The following ITPR1 variants were observed in gnomAD, a reference collection of about 807,000 sequenced individuals.
ITPR1 encodes the protein inositol 1,4,5-trisphosphate-gated calcium channel ITPR1.
A neutral mutation model predicts 318.4 loss-of-function variants in ITPR1; 96 were observed. The observed-to-expected ratio is 0.30, with a 90% confidence interval of 0.26 to 0.36. The LOEUF (loss-of-function observed/expected upper bound fraction) is 0.36, where lower values mean the gene tolerates loss of function less well. Among genes scored for constraint, ITPR1 ranks in the 10% least tolerant of loss-of-function variants. The pLI is 1.00. For missense variants in ITPR1, 2,440 were observed against 3,460.2 expected, an observed-to-expected ratio of 0.71 and a Z score of 7.40; for synonymous variants, 1,312 against 1,289.9, an observed-to-expected ratio of 1.02 and a Z score of -0.37.
chr3:4,557,160 T>C (rs1575523211), intron 4 of ITPR1, among the ~76,000 whole-genome samples: 1 of 152,326 alleles, frequency 6.6e-6, no homozygotes, highest in South Asian at 2.1e-4. Context: ...CTGGGTAATT[T>C]ATAAAGGAAA....
intron 4 of ITPR1, among the ~76,000 whole-genome samples, chr3:4,529,564 G>A (rs1273286626): frequency 6.6e-6 from 1 of 152,194 alleles, no homozygotes; most frequent in East Asian, 1.9e-4. Flanking sequence ...TGTTTGACAT[G>A]TGAGAAAATT....
At chr3:4,673,036 A>C (rs986358752) in intron 20 of ITPR1, 100 bp from the exon 21 acceptor site, 15 of 1,339,160 alleles carry the variant, frequency 1.1e-5, no homozygotes, top group Admixed American at 9.4e-5. Context: ...TTAGTTGGCC[A>C]AATGTCACTC....
At chr3:4,800,172 G>A in intron 53 of ITPR1, 2 of 492,462 alleles carry the variant, frequency 4.1e-6, no homozygotes, top group African/African-American at 4.0e-5. Flanking sequence ...CCTGGAAGAA[G>A]TAATGTCAAA....
At position 4,714,949 on chromosome 3, in the gene ITPR1, G is replaced by A. The variant is rs375029821; in HGVS notation, c.5104-2418G>A. 5.3e-5 allele frequency among the ~76,000 whole-genome samples: 8 copies of A among 152,160 alleles called. No homozygotes were observed. In the East Asian group the frequency reaches 9.6e-4, roughly 18 times the overall value. On this transcript the variant is annotated intron_variant, in intron 39 of 61. Coordinates refer to ENST00000649015, the MANE Select transcript of ITPR1 (RefSeq NM_001378452.1). Reference sequence around the variant, plus strand: ...TTTTAAAAGTCATGGATATTCACTAGTTTCCTAGATTATAAGTTACAATGA... The same window carrying A: ...TTTTAAAAGTCATGGATATTCACTAATTTCCTAGATTATAAGTTACAATGA...
intron 60 of ITPR1, among the ~76,000 whole-genome samples, chr3:4,823,220 A>T (rs1259017748): frequency 6.6e-6 from 1 of 152,208 alleles, no homozygotes; most frequent in East Asian, 1.9e-4. Context: ...GGCATGTTGC[A>T]GTTAAAAGAC....
At chr3:4,768,785 G>T in intron 46 of ITPR1, 21 bp downstream of exon 46, 1 of 1,595,724 alleles carries the variant, frequency 6.3e-7, no homozygotes. Context: ...GGGGGTGGGG[G>T]CGTGGAGGGA....
At chr3:4,528,469 C>G (rs1183582623) in intron 4 of ITPR1, among the ~76,000 whole-genome samples, 1 of 152,176 alleles carries the variant, frequency 6.6e-6, no homozygotes, top group Non-Finnish European at 1.5e-5. Flanking sequence ...TCAAACGACC[C>G]TCCTTTGCCG....
intron 4 of ITPR1, among the ~76,000 whole-genome samples, chr3:4,627,531 A>G (rs981587500): frequency 6.6e-6 from 1 of 152,228 alleles, no homozygotes; most frequent in Admixed American, 6.5e-5. Context: ...CAGCTCTGCT[A>G]CCAAGTGGTT....
At chr3:4,530,431 ATGAC>A (rs1314321716) in intron 4 of ITPR1, among the ~76,000 whole-genome samples, 26 of 152,178 alleles carry the variant, frequency 1.7e-4, no homozygotes, top group Non-Finnish European at 3.4e-4. Context: ...TTTTACACTG[ATGAC>A]TTAACGCTGC....
At chr3:4,769,663 G>A (rs2046061645) in intron 46 of ITPR1, among the ~76,000 whole-genome samples, 2 of 152,194 alleles carry the variant, frequency 1.3e-5, no homozygotes, top group African/African-American at 4.8e-5. Context: ...TTGCTTATAT[G>A]ATTATATTAT....
At chr3:4,790,744 CGTA>C (rs1168427137) in intron 52 of ITPR1, among the ~76,000 whole-genome samples, 1 of 152,192 alleles carries the variant, frequency 6.6e-6, no homozygotes, top group Non-Finnish European at 1.5e-5. Context: ...GACTCAGACA[CGTA>C]GTGAGATCCG....
At chr3:4,620,679 GGTTT>G (rs1238150828) in intron 4 of ITPR1, among the ~76,000 whole-genome samples, 3 of 113,166 alleles carry the variant, frequency 2.7e-5, no homozygotes, top group East Asian at 3.1e-4. Flanking sequence ...TTTCTTTGTG[GGTTT>G]TTTTTTTTTT....
intron 4 of ITPR1, among the ~76,000 whole-genome samples, chr3:4,526,608 T>A (rs1426529662): frequency 6.6e-6 from 1 of 152,244 alleles, no homozygotes; most frequent in Non-Finnish European, 1.5e-5. Context: ...ATACAGCATT[T>A]ATTTTGTGCA....
In ITPR1 at chr3:4,706,157, T is replaced by C. The variant is rs1361871829; in HGVS notation, c.4658-10T>C. 1.2e-6 allele frequency: 2 copies of C among 1,613,986 alleles called. No individual in the cohort carries two copies. Among genetic ancestry groups the C allele is most frequent in the Non-Finnish European group, 1.7e-6 (2 of 1,179,858 alleles). On this transcript the variant is annotated splice_polypyrimidine_tract_variant and intron_variant, in intron 36 of 61. Coordinates refer to ENST00000649015, the MANE Select transcript of ITPR1 (RefSeq NM_001378452.1). ...GTTGTAGGCTCACGACTCATCTTTC[T>C]CCTGTGCAGCCAAGAGCCGGGCCAT...
At chr3:4,700,625 G>C (rs2094633048) in intron 35 of ITPR1, among the ~76,000 whole-genome samples, 1 of 152,218 alleles carries the variant, frequency 6.6e-6, no homozygotes, top group South Asian at 2.1e-4. Flanking sequence ...CAGGAATGAA[G>C]AAAGGGGAGG....
At chr3:4,534,315 T>A (rs1471760835) in intron 4 of ITPR1, among the ~76,000 whole-genome samples, 1 of 152,200 alleles carries the variant, frequency 6.6e-6, no homozygotes, top group Non-Finnish European at 1.5e-5. Flanking sequence ...TATGTCCATG[T>A]GTACCCATTG....
At position 4,684,283 on chromosome 3, in the gene ITPR1, G is replaced by A; in HGVS notation, c.3501G>A (p.Glu1167=). 6.2e-7 allele frequency: 1 copy of A among 1,609,792 alleles called. No individual in the cohort carries two copies. Among genetic ancestry groups the A allele is most frequent in the Non-Finnish European group, 8.5e-7 (1 of 1,177,244 alleles). ...SGENEHKKTE[E]GNNKPQKHES... is the part of the protein sequence containing the mutation. ...CTTGTGTTCACTTTGGTTTCTAGGA[G>A]GGAAATAACAAGCCACAAAAGCATG... Residue 1167 remains glutamate, a splice_region_variant and synonymous_variant, in exon 29 of 62, where the codon GAG becomes GAA. Coordinates refer to ENST00000649015, the MANE Select transcript of ITPR1 (RefSeq NM_001378452.1).
intron 44 of ITPR1, among the ~76,000 whole-genome samples, chr3:4,762,111 A>T (rs1279978455): frequency 1.3e-5 from 2 of 152,176 alleles, no homozygotes; most frequent in African/African-American, 4.8e-5. Context: ...TACTCTTGCA[A>T]TAGATACCAC....
chr3:4,773,939 C>T (rs112521759), intron 46 of ITPR1, among the ~76,000 whole-genome samples: 35 of 152,312 alleles, frequency 2.3e-4, no homozygotes, highest in African/African-American at 7.9e-4. Flanking sequence ...AACTTGGTTA[C>T]CAGCTCTTAA....
Sources: gnomAD v4.1 joint callset for allele counts (sites outside exome capture counted in the v4.1 genomes callset) on GRCh38, gnomAD v4.1.1 for gene constraint, MANE v1.5 for transcripts, NCBI Gene and HGNC (gene_info 2026-07-23, HGNC 2026-07-21) for gene names.